The following ICAM2 variants were observed in gnomAD, a reference collection of about 807,000 sequenced individuals.
The protein encoded by ICAM2 is intercellular adhesion molecule 2.
In ICAM2, 14 loss-of-function variants were observed where a neutral mutation model predicts 19.1. That is an observed-to-expected ratio of 0.73 (90% CI 0.48 to 1.15). The LOEUF is 1.15. Among genes scored for constraint, ICAM2 ranks in the 50% most tolerant of loss-of-function variants. The probability of loss-of-function intolerance (pLI) is 0.00; values close to 1 mark genes in which losing one functional copy is unlikely to be tolerated. For synonymous variants in ICAM2, 153 were observed against 152.7 expected (o/e 1.00, Z -0.01); for missense variants, 311 against 355.4 (o/e 0.88, Z 1.00).
At chr17:64,007,212 T>A (rs1598020022) in intron 1 of ICAM2, among the ~76,000 whole-genome samples, 2 of 152,282 alleles carry the variant, frequency 1.3e-5, no homozygotes, top group East Asian at 3.9e-4. Context: ...AAATGCCTGG[T>A]GCAATTCTGC....
Position 64,007,267 on chromosome 17 carries a change from C to CT in ICAM2, c.-44-533dup, listed in dbSNP as rs1031318047. Among the ~76,000 whole-genome samples, 451 of 146,534 alleles carry CT rather than the reference C, an allele frequency of 3.1e-3. 2 individuals are homozygous for CT. The highest frequency in any genetic ancestry group is 7.4e-3 in the African/African-American group (295 of 39,914). ...TCAGTTTTCTTTTCTTTTTCTTTTTCTTTTTTTTTTTGAGATGGAGTCTCA... is the reference window on the plus strand; with the variant it reads ...TCAGTTTTCTTTTCTTTTTCTTTTTCTTTTTTTTTTTTGAGATGGAGTCTCA... On this transcript the variant is annotated intron_variant, in intron 1 of 4. Coordinates refer to ENST00000579788, the MANE Select transcript of ICAM2 (RefSeq NM_001099789.2).
Position 64,002,953 on chromosome 17 carries a change from G to C in ICAM2, c.650-28C>G, listed in dbSNP as rs909860901. 3 of 1,597,498 alleles carry C rather than the reference G, an allele frequency of 1.9e-6. No individual in the cohort carries two copies. In the African/African-American group the frequency reaches 4.0e-5, roughly 21 times the overall value. Reference sequence around the variant, plus strand: ...GGGGAGGGAGGGGGCAAGGGTCTTAGACGTCCTGTGATCCCAGTTACCAGG... The same window carrying C: ...GGGGAGGGAGGGGGCAAGGGTCTTACACGTCCTGTGATCCCAGTTACCAGG... On this transcript the variant is annotated intron_variant, in intron 4 of 4. Transcript: ENST00000579788.
At chr17:64,015,424 A>C (rs1204858809) in intron 1 of ICAM2, among the ~76,000 whole-genome samples, 2 of 152,216 alleles carry the variant, frequency 1.3e-5, no homozygotes, top group African/African-American at 4.8e-5. Flanking sequence ...ACTATTAAAG[A>C]AATTGAATCA....
Position 64,013,097 on chromosome 17 carries a change from G to A in ICAM2, c.-44-6362C>T, listed in dbSNP as rs147817804. Among the ~76,000 whole-genome samples the A allele has an allele frequency of 8.2e-3, 1,243 of 152,304 alleles. 8 individuals are homozygous for A. The highest frequency in any genetic ancestry group is 0.013 in the Non-Finnish European group (902 of 68,030). ...GGAGGCTGGGGCGAGTGGATTACCT[G>A]AGGTCAGGAGTTCGAGACCAGCGTG... is the stretch of plus-strand genomic sequence containing the variant. On this transcript the variant is annotated intron_variant, in intron 1 of 4. Coordinates refer to ENST00000579788, the MANE Select transcript of ICAM2 (RefSeq NM_001099789.2).
chr17:64,009,183 C>T (rs1301818686), intron 1 of ICAM2, among the ~76,000 whole-genome samples: 1 of 152,142 alleles, frequency 6.6e-6, no homozygotes, highest in Non-Finnish European at 1.5e-5. Flanking sequence ...GTAGGTGCTT[C>T]ATCATTGTTG....
intron 1 of ICAM2, among the ~76,000 whole-genome samples, chr17:64,018,988 G>GGGATTACAGGCAT (rs1279520105): frequency 1.3e-5 from 2 of 151,930 alleles, no homozygotes; most frequent in African/African-American, 4.8e-5. Context: ...CCAAAGTGCT[G>GGGATTACAGGCAT]GGATTACAGG....
chr17:64,016,390 T>C (rs28753897), intron 1 of ICAM2, among the ~76,000 whole-genome samples: 1,774 of 152,316 alleles, frequency 0.012, 31 homozygotes, highest in African/African-American at 0.04. Flanking sequence ...AAGCCTAGAC[T>C]CCCTTTTAAG....
intron 1 of ICAM2, among the ~76,000 whole-genome samples, chr17:64,014,675 A>G (rs1441506525): frequency 1.4e-5 from 1 of 70,708 alleles, no homozygotes; most frequent in Non-Finnish European, 3.0e-5. Context: ...GAGAGAAAGA[A>G]AGAAAGGAAG....
intron 1 of ICAM2, among the ~76,000 whole-genome samples, chr17:64,016,479 T>C (rs1911720984): frequency 6.6e-6 from 1 of 152,208 alleles, no homozygotes; most frequent in Admixed American, 6.5e-5. Flanking sequence ...TCTTCAATGC[T>C]TTAGGAACAA....
chr17:64,013,941 A>G (rs1272100767), intron 1 of ICAM2, among the ~76,000 whole-genome samples: 1 of 152,174 alleles, frequency 6.6e-6, no homozygotes, highest in African/African-American at 2.4e-5. Context: ...AGTGGTGTAA[A>G]TGCTTGAACT....
rs1186651733 is a variant in ICAM2, at chr17:64,014,757, GAA to G, written c.-45+5764_-45+5765del. On this transcript the variant is annotated intron_variant, in intron 1 of 4. Transcript: ENST00000579788. ...AGAAAGAAAGAAAGAAAGAAAGAAA[GAA>G]AGAAAGAAAAAGAAAGAAGGAAAAT... Among the ~76,000 whole-genome samples, 174 of 142,362 alleles carry G rather than the reference GAA, an allele frequency of 1.2e-3. 13 individuals are homozygous for G. Among genetic ancestry groups the G allele is most frequent in the South Asian group, 1.4e-3 (6 of 4,282 alleles). The allele number at this position is 142,362 out of a possible 152,430, so 93.4% of individuals were successfully genotyped here.
intron 1 of ICAM2, among the ~76,000 whole-genome samples, chr17:64,018,783 G>A (rs113084927): frequency 2.9e-5 from 4 of 139,806 alleles, no homozygotes; most frequent in African/African-American, 8.0e-5. Context: ...GTGCAGTGGC[G>A]CGATCTTGGC....
intron 1 of ICAM2, among the ~76,000 whole-genome samples, chr17:64,010,688 T>C (rs1911416553): frequency 6.6e-6 from 1 of 152,074 alleles, no homozygotes; most frequent in Admixed American, 6.6e-5. Flanking sequence ...GAAAAAATGA[T>C]TACAGAACAG....
intron 1 of ICAM2, among the ~76,000 whole-genome samples, chr17:64,010,836 C>T (rs771446620): frequency 7.9e-5 from 12 of 151,916 alleles, no homozygotes; most frequent in Non-Finnish European, 1.3e-4. Flanking sequence ...AACTAAAATA[C>T]TGGGTAAGAA....
intron 1 of ICAM2, among the ~76,000 whole-genome samples, chr17:64,017,790 C>A (rs1305553891): frequency 6.6e-6 from 1 of 151,966 alleles, no homozygotes; most frequent in Non-Finnish European, 1.5e-5. Context: ...TGATGCATGA[C>A]AAAGATGACA....
intron 1 of ICAM2, among the ~76,000 whole-genome samples, chr17:64,015,855 A>T (rs577979728): frequency 6.5e-4 from 52 of 80,522 alleles, no homozygotes; most frequent in Non-Finnish European, 6.1e-4. Context: ...GTAACTCTTT[A>T]AAAAAAATTA....
intron 1 of ICAM2, among the ~76,000 whole-genome samples, chr17:64,014,493 A>T (rs1475522942): frequency 6.9e-6 from 1 of 144,418 alleles, no homozygotes; most frequent in African/African-American, 2.6e-5. Context: ...GAAAGAAAGA[A>T]AGGAAGGAAG....
chr17:64,013,359 G>C (rs768363581), intron 1 of ICAM2, among the ~76,000 whole-genome samples: 1 of 152,052 alleles, frequency 6.6e-6, no homozygotes. Context: ...AAATTAGCCA[G>C]GTGTGGTGAT....
rs367620513 is a variant in ICAM2 at position 64,006,711 on chromosome 17, C to G, written c.-20G>C. The G allele has an allele frequency of 6.2e-7, 1 of 1,613,384 alleles. No homozygotes were observed. Among genetic ancestry groups the G allele is most frequent in the Admixed American group, 1.7e-5 (1 of 59,986 alleles). On this transcript the variant is annotated 5_prime_UTR_variant, in exon 2 of 5. Transcript: ENST00000579788. ...GGACATCTCTGGCAGTCTCCACGGG[C>G]TCGCAGGGACCAGCCAAGGGCTGCC...
Sources: gnomAD v4.1 joint callset for allele counts (sites outside exome capture counted in the v4.1 genomes callset) on GRCh38, gnomAD v4.1.1 for gene constraint, MANE v1.5 for transcripts, NCBI Gene and HGNC (gene_info 2026-07-23, HGNC 2026-07-21) for gene names.